Variants in TNS1 observed in about 807,000 individuals in gnomAD.
TNS1 encodes tensin 1.
A neutral mutation model predicts 168.6 loss-of-function variants in TNS1; 62 were observed. The observed-to-expected ratio is 0.37, with a 90% CI of 0.30 to 0.45. The LOEUF is 0.45. Ranked by LOEUF, TNS1 falls within the 20% of genes least tolerant of loss-of-function variation. The pLI, the probability that TNS1 is intolerant of heterozygous loss-of-function variation, is 1.00. For synonymous variants in TNS1, 934 were observed against 933.2 expected (o/e 1.00, Z -0.02); for missense variants, 2,240 against 2,339.4 (o/e 0.96, Z 0.88).
intron 3 of TNS1, among the ~76,000 whole-genome samples, chr2:217,963,407 C>T (rs563563302): frequency 8.5e-5 from 13 of 152,148 alleles, no homozygotes; most frequent in Non-Finnish European, 1.3e-4. Flanking sequence ...TATCATGCAC[C>T]GGGAGCGTAA....
intron 18 of TNS1, among the ~76,000 whole-genome samples, chr2:217,872,910 G>A (rs916783713): frequency 2.6e-5 from 4 of 152,150 alleles, no homozygotes; most frequent in Non-Finnish European, 4.4e-5. Context: ...ATGAAACATT[G>A]GGTCAAGTAA....
chr2:217,823,887 G>T (rs1279015181), intron 22 of TNS1, among the ~76,000 whole-genome samples: 1 of 152,174 alleles, frequency 6.6e-6, no homozygotes, highest in African/African-American at 2.4e-5. Flanking sequence ...CCCTCAACCA[G>T]CCCAGGCCAC....
chr2:217,924,411 T>C (rs1955900768), intron 3 of TNS1, among the ~76,000 whole-genome samples: 1 of 152,226 alleles, frequency 6.6e-6, no homozygotes, highest in South Asian at 2.1e-4. Context: ...TATAGGTGTG[T>C]GTGCTTCCTT....
chr2:217,909,740 A>G (rs1277804975), intron 4 of TNS1, among the ~76,000 whole-genome samples: 2 of 152,052 alleles, frequency 1.3e-5, no homozygotes, highest in East Asian at 3.9e-4. Context: ...TCCAACTCGG[A>G]ATCAGCTTGG....
chr2:217,939,812 A>AC (rs1486166490), intron 3 of TNS1, among the ~76,000 whole-genome samples: 1 of 151,272 alleles, frequency 6.6e-6, no homozygotes. Flanking sequence ...CCCACCCACC[A>AC]CCCCTCCCAC....
At chr2:217,819,588 T>C (rs933566866) in intron 23 of TNS1, among the ~76,000 whole-genome samples, 7 of 152,146 alleles carry the variant, frequency 4.6e-5, no homozygotes, top group African/African-American at 1.7e-4. Flanking sequence ...AAGGTTCCCT[T>C]GTAAAGTTAA....
intron 12 of TNS1, among the ~76,000 whole-genome samples, chr2:217,887,918 C>T (rs1951366609): frequency 6.6e-6 from 1 of 152,232 alleles, no homozygotes; most frequent in East Asian, 1.9e-4. Context: ...CTAGACCAAT[C>T]AGAATGTATT....
intron 3 of TNS1, among the ~76,000 whole-genome samples, chr2:217,949,058 C>T (rs1326172426): frequency 1.3e-5 from 2 of 152,194 alleles, no homozygotes; most frequent in African/African-American, 4.8e-5. Context: ...TCTCACCCTG[C>T]CTGTTTCTAG....
At chr2:217,911,103 C>G (rs1158562856) in intron 4 of TNS1, among the ~76,000 whole-genome samples, 1 of 152,152 alleles carries the variant, frequency 6.6e-6, no homozygotes, top group Non-Finnish European at 1.5e-5. Flanking sequence ...CTATGTCTGT[C>G]TCCACCCACT....
intron 18 of TNS1, 152 bp from the exon 19 acceptor site, chr2:217,849,239 A>G: frequency 1.0e-6 from 1 of 960,158 alleles, no homozygotes; most frequent in South Asian, 1.7e-5. Context: ...GGAAAAGGGG[A>G]GCTGACAGAA....
At chr2:217,829,755 G>A in intron 22 of TNS1, 1 of 1,496,252 alleles carries the variant, frequency 6.7e-7, no homozygotes, top group Non-Finnish European at 9.3e-7. Flanking sequence ...TGAGGAAAGA[G>A]AGCTGCCTCC....
intron 1 of TNS1, among the ~76,000 whole-genome samples, chr2:218,008,174 A>G (rs960915122): frequency 6.6e-6 from 1 of 152,094 alleles, no homozygotes; most frequent in Non-Finnish European, 1.5e-5. Context: ...TCTGGGCCCA[A>G]TCCCAACAAT....
rs1266041725 is a variant in TNS1, at chr2:217,818,085, G to A, written c.4247C>T (p.Pro1416Leu). 6.2e-7 allele frequency: 1 copy of A among 1,613,318 alleles called. No individual in the cohort carries two copies. Among genetic ancestry groups the A allele is most frequent in the East Asian group, 2.2e-5 (1 of 44,854 alleles). ...RHLGGSGSVV[P>L]GSPCLDRHVA... ...ATGCCGGTCCAAGCAGGGGCTGCCG[G>A]GAACCACAGATCCAGACCCTCCGAG... Residue 1416 changes from proline (P) to leucine (L), a missense_variant, in exon 24 of 33, where the codon CCC becomes CTC. Transcript: ENST00000682258.
chr2:217,846,849 A>G (rs928153636), intron 19 of TNS1, among the ~76,000 whole-genome samples: 2 of 152,224 alleles, frequency 1.3e-5, no homozygotes, highest in African/African-American at 4.8e-5. Context: ...CTTCCCATAC[A>G]GGGCTGGTCC....
At chr2:217,846,614 A>G (rs952149844) in intron 19 of TNS1, among the ~76,000 whole-genome samples, 3 of 152,214 alleles carry the variant, frequency 2.0e-5, no homozygotes, top group Non-Finnish European at 4.4e-5. Context: ...GAATAAAGTC[A>G]CCCAACAGGT....
chr2:217,828,927 G>A (rs1943997166), intron 22 of TNS1, among the ~76,000 whole-genome samples: 1 of 152,220 alleles, frequency 6.6e-6, no homozygotes, highest in Non-Finnish European at 1.5e-5. Context: ...TAAGATGGGG[G>A]CTCTGCGCCA....
intron 18 of TNS1, among the ~76,000 whole-genome samples, chr2:217,877,163 T>C (rs1950272854): frequency 6.6e-6 from 1 of 151,502 alleles, no homozygotes; most frequent in South Asian, 2.1e-4. Flanking sequence ...GAGCCCAAAG[T>C]CTCCACCACA....
chr2:217,951,683 C>T (rs575072323), intron 3 of TNS1, among the ~76,000 whole-genome samples: 2 of 152,210 alleles, frequency 1.3e-5, no homozygotes, highest in Admixed American at 1.3e-4. Flanking sequence ...ATCCTCAAGG[C>T]GGCTCCCACC....
chr2:217,853,085 C>T (rs1444644866), intron 18 of TNS1, among the ~76,000 whole-genome samples: 2 of 152,138 alleles, frequency 1.3e-5, no homozygotes, highest in Non-Finnish European at 2.9e-5. Context: ...CTCCGGCACA[C>T]ACACTCTCAT....
Sources: gnomAD v4.1 joint callset for allele counts (sites outside exome capture counted in the v4.1 genomes callset) on GRCh38, gnomAD v4.1.1 for gene constraint, MANE v1.5 for transcripts, NCBI Gene and HGNC (gene_info 2026-07-23, HGNC 2026-07-21) for gene names.